Variants in TRPC5 observed in about 807,000 individuals in gnomAD.
TRPC5 encodes the protein transient receptor potential cation channel subfamily C member 5, also known as short transient receptor potential channel 5.
A neutral mutation model predicts 56.5 loss-of-function variants in TRPC5; 9 were observed. That is an observed-to-expected ratio of 0.16 (90% confidence interval 0.10 to 0.28). TRPC5 has a LOEUF of 0.28. TRPC5 is among the 10% of genes least tolerant of loss of function. The pLI is 1.00. For missense variants in TRPC5, 469 were observed against 748.9 expected (o/e 0.63, Z 4.36); for synonymous variants, 282 against 278.5 (o/e 1.01, Z -0.13).
chrX:111,960,956 C>G (rs1295079268), intron 1 of TRPC5, among the ~76,000 whole-genome samples: 1 of 110,904 alleles, frequency 9.0e-6, no homozygotes, highest in African/African-American at 3.3e-5. Context: ...GGACTACAGG[C>G]ATGCACTACT....
intron 1 of TRPC5, among the ~76,000 whole-genome samples, chrX:112,040,145 G>A (rs1484132113): frequency 1.8e-5 from 2 of 111,822 alleles, no homozygotes; most frequent in African/African-American, 3.3e-5. Context: ...GGTACCCAGG[G>A]TTATTGGGTA....
At chrX:111,880,307 G>C (rs769202882) in intron 3 of TRPC5, among the ~76,000 whole-genome samples, 8 of 112,290 alleles carry the variant, frequency 7.1e-5, no homozygotes, top group African/African-American at 2.3e-4. Flanking sequence ...CCAGTCTCAG[G>C]ATAATATCTG....
At chrX:112,002,941 C>A (rs188548545) in intron 1 of TRPC5, among the ~76,000 whole-genome samples, 1 of 111,283 alleles carries the variant, frequency 9.0e-6, no homozygotes, top group African/African-American at 3.3e-5. Context: ...CTATCTAGGT[C>A]CCCCTCCTAC....
intron 2 of TRPC5, among the ~76,000 whole-genome samples, chrX:111,948,154 T>C (rs769966484): frequency 2.7e-5 from 3 of 111,642 alleles, no homozygotes; most frequent in African/African-American, 9.8e-5. Context: ...TTTTGGAAAG[T>C]GTTGAGGTAT....
intron 1 of TRPC5, among the ~76,000 whole-genome samples, chrX:111,966,578 C>T (rs1420606510): frequency 9.0e-6 from 1 of 111,623 alleles, no homozygotes; most frequent in Non-Finnish European, 1.9e-5. Flanking sequence ...CAAAAATCCT[C>T]AATAAAATAC....
chrX:111,806,200 T>C (rs1921506660), intron 7 of TRPC5, among the ~76,000 whole-genome samples: 1 of 112,018 alleles, frequency 8.9e-6, no homozygotes, highest in Non-Finnish European at 1.9e-5. Flanking sequence ...AGTAAAGCCT[T>C]TTTGGTTTTA....
At chrX:112,035,864 C>T (rs930995368) in intron 1 of TRPC5, among the ~76,000 whole-genome samples, 12 of 109,415 alleles carry the variant, frequency 1.1e-4, no homozygotes, top group Non-Finnish European at 2.3e-4. Context: ...ATCTCGGTCT[C>T]GTGATCCACC....
At chrX:111,986,498 G>A (rs1339100125) in intron 1 of TRPC5, among the ~76,000 whole-genome samples, 2 of 110,265 alleles carry the variant, frequency 1.8e-5, no homozygotes, top group African/African-American at 6.6e-5. Context: ...AAGCAAAAAG[G>A]AGTGGTGGGA....
intron 1 of TRPC5, among the ~76,000 whole-genome samples, chrX:112,021,265 A>T (rs1033093208): frequency 9.0e-6 from 1 of 111,465 alleles, no homozygotes; most frequent in Non-Finnish European, 1.9e-5. Context: ...CTGGATTCAC[A>T]ATATCAAATG....
At chrX:111,909,173 A>C (rs1925729886) in intron 3 of TRPC5, among the ~76,000 whole-genome samples, 2 of 95,142 alleles carry the variant, frequency 2.1e-5, no homozygotes, top group African/African-American at 8.1e-5. Flanking sequence ...AAAAAAAAAA[A>C]CCAAAAATTT....
intron 3 of TRPC5, among the ~76,000 whole-genome samples, chrX:111,855,688 G>A (rs974038304): frequency 3.6e-5 from 4 of 111,803 alleles, no homozygotes; most frequent in Non-Finnish European, 7.5e-5. Flanking sequence ...TCCCTTCCAC[G>A]CATTCATACA....
At chrX:111,873,739 G>T (rs889676138) in intron 3 of TRPC5, among the ~76,000 whole-genome samples, 1 of 110,477 alleles carries the variant, frequency 9.1e-6, no homozygotes, top group East Asian at 2.8e-4. Context: ...AGCCGAGATC[G>T]CACCATTGCG....
intron 2 of TRPC5, among the ~76,000 whole-genome samples, chrX:111,945,380 T>C (rs1926906183): frequency 9.1e-6 from 1 of 109,630 alleles, no homozygotes; most frequent in African/African-American, 3.3e-5. Flanking sequence ...TTGTCAAAAA[T>C]CTACCCCTAA....
In TRPC5 at chrX:111,773,872, A is replaced by C. The variant is rs763156861; in HGVS notation, c.*2441T>G. Among the ~76,000 whole-genome samples the C allele has an allele frequency of 7.2e-5, 8 of 111,801 alleles. No homozygotes were observed. The highest frequency in any genetic ancestry group is 1.3e-4 in the Non-Finnish European group (7 of 53,126). On this transcript the variant is annotated 3_prime_UTR_variant, in exon 11 of 11. Transcript: ENST00000262839. Reference sequence around the variant, plus strand: ...ATACCTTTTATGATACTTGATCAAGAGAGTAAGGAAGTGAACAAAATCTTT... The same window carrying C: ...ATACCTTTTATGATACTTGATCAAGCGAGTAAGGAAGTGAACAAAATCTTT...
intron 2 of TRPC5, among the ~76,000 whole-genome samples, chrX:111,937,559 A>G (rs1926628141): frequency 1.9e-5 from 2 of 107,724 alleles, no homozygotes; most frequent in African/African-American, 3.4e-5. Flanking sequence ...AGCTTTCTAC[A>G]TATGGCTAGC....
Position 111,859,510 on chromosome X carries a change from A to C in TRPC5, c.901-5404T>G, listed in dbSNP as rs1299133023. Among the ~76,000 whole-genome samples the C allele has an allele frequency of 4.4e-5, 5 of 112,425 alleles. No homozygotes were observed. In the Admixed American group the frequency reaches 4.7e-4, roughly 11 times the overall value. The stretch of plus-strand genomic sequence containing the variant: ...CGGCTTTGATGGAACTCTGTTATAT[A>C]GAAGGAATTTGAGATAAGACTTGTT... On this transcript the variant is annotated intron_variant, in intron 3 of 10. Coordinates refer to ENST00000262839, the MANE Select transcript of TRPC5 (RefSeq NM_012471.3).
At chrX:111,963,414 A>C (rs2148643716) in intron 1 of TRPC5, among the ~76,000 whole-genome samples, 1 of 112,355 alleles carries the variant, frequency 8.9e-6, no homozygotes, top group Non-Finnish European at 1.9e-5. Context: ...ACAGACAAAC[A>C]AAAAGACAGC....
rs1325255815 is a variant in TRPC5, at chrX:111,771,078, A to G, written c.*5235T>C. Among the ~76,000 whole-genome samples, 2 of 111,853 alleles carry G rather than the reference A, an allele frequency of 1.8e-5. No individual in the cohort carries two copies. Among genetic ancestry groups the G allele is most frequent in the South Asian group, 3.8e-4 (1 of 2,649 alleles). On this transcript the variant is annotated 3_prime_UTR_variant, in exon 11 of 11. Coordinates refer to ENST00000262839, the MANE Select transcript of TRPC5 (RefSeq NM_012471.3). Reference sequence around the variant, plus strand: ...ACTTCAGTTAGTCTTTTTTGGTTCTATCAAGTCACTGGAGTTATAAAGAAA... The same window carrying G: ...ACTTCAGTTAGTCTTTTTTGGTTCTGTCAAGTCACTGGAGTTATAAAGAAA...
chrX:111,920,189 C>T (rs1211998531), intron 2 of TRPC5, among the ~76,000 whole-genome samples: 21 of 111,312 alleles, frequency 1.9e-4, no homozygotes, highest in African/African-American at 6.9e-4. Context: ...GCAGGAGAAT[C>T]ACTTGAACCC....
Sources: gnomAD v4.1 joint callset for allele counts (sites outside exome capture counted in the v4.1 genomes callset) on GRCh38, gnomAD v4.1.1 for gene constraint, MANE v1.5 for transcripts, NCBI Gene and HGNC (gene_info 2026-07-23, HGNC 2026-07-21) for gene names.